The following UNC80 variants were observed in gnomAD, a reference collection of about 807,000 sequenced individuals.
UNC80 encodes protein unc-80 homolog.
Under a neutral mutation model 384.6 loss-of-function variants are expected in UNC80, and 164 were observed. The ratio of observed to expected loss-of-function variants is 0.43; its 90% confidence interval spans 0.38 to 0.49. UNC80 has a LOEUF of 0.49. Among genes scored for constraint, UNC80 ranks in the 20% least tolerant of loss-of-function variants. UNC80 has a pLI of 0.00. For missense variants in UNC80, 3,330 were observed against 4,143.0 expected, an observed-to-expected ratio of 0.80 and a Z score of 5.39; for synonymous variants, 1,486 against 1,527.8, an observed-to-expected ratio of 0.97 and a Z score of 0.64.
chr2:209,881,275 A>G (rs2124896260), intron 25 of UNC80, among the ~76,000 whole-genome samples, 181 bp downstream of exon 25: 1 of 152,328 alleles, frequency 6.6e-6, no homozygotes, highest in East Asian at 1.9e-4. Context: ...TACAAATAAT[A>G]ATAACTCCAA....
intron 14 of UNC80, 111 bp downstream of exon 14, chr2:209,826,164 T>C: frequency 8.3e-7 from 1 of 1,208,468 alleles, no homozygotes; most frequent in Non-Finnish European, 1.1e-6. Context: ...TTGTATTTTG[T>C]AGGAATAATT....
chr2:209,995,666 T>C lies in UNC80; in HGVS notation c.*71T>C. On this transcript the variant is annotated 3_prime_UTR_variant, in exon 65 of 65. Coordinates refer to ENST00000673920, the MANE Select transcript of UNC80 (RefSeq NM_001371986.1). ...GATCTCTCTACTACAAGTTCAATAC[T>C]TTTGCTTGAAAAAGATTAATTACAA... 1 of 1,481,932 alleles carries C rather than the reference T, an allele frequency of 6.7e-7. No individual in the cohort carries two copies. Among genetic ancestry groups the C allele is most frequent in the East Asian group, 2.5e-5 (1 of 40,272 alleles). The allele number at this position is 1,481,932 out of a possible 1,614,324, so 91.8% of individuals were successfully genotyped here. A position where few individuals can be genotyped will look rare whatever the true frequency, so the allele number is the denominator to read the frequency against.
intron 6 of UNC80, among the ~76,000 whole-genome samples, chr2:209,793,236 T>G (rs956357678): frequency 1.2e-4 from 19 of 152,212 alleles, no homozygotes; most frequent in African/African-American, 4.3e-4. Flanking sequence ...TAAAGGTCAT[T>G]GTGTCCGATT....
At position 209,777,460 on chromosome 2, in the gene UNC80, T is replaced by C. The variant is rs770850965; in HGVS notation, c.501T>C (p.Asn167=). The change falls in exon 4 of 65, where the codon AAT becomes AAC. Residue 167 remains asparagine, a synonymous_variant. Coordinates refer to ENST00000673920, the MANE Select transcript of UNC80 (RefSeq NM_001371986.1). ...GGCAGCCTTGCCAAAGCAGCTCTAATGACGAAGAAGAGAACAACCGAAGAA... is the reference window on the plus strand; with the variant it reads ...GGCAGCCTTGCCAAAGCAGCTCTAACGACGAAGAAGAGAACAACCGAAGAA... The part of the protein sequence containing the change: ...SPGQPCQSSS[N]DEEENNRRKI... 1.1e-5 allele frequency: 17 copies of C among 1,614,074 alleles called. 1 individual carries two copies. In the Admixed American group the frequency reaches 2.7e-4, roughly 25 times the overall value.
chr2:209,858,337 G>T (rs2083088668), intron 22 of UNC80, among the ~76,000 whole-genome samples: 1 of 152,068 alleles, frequency 6.6e-6, no homozygotes, highest in Non-Finnish European at 1.5e-5. Context: ...GTTAGTATTG[G>T]CTGGGCATGT....
chr2:209,835,019 C>T lies in UNC80; in HGVS notation c.3041+9C>T, dbSNP rs767107589. 6.5e-6 allele frequency: 10 copies of T among 1,547,374 alleles called. No individual in the cohort carries two copies. The highest frequency in any genetic ancestry group is 5.5e-5 in the African/African-American group (4 of 72,934). The stretch of plus-strand genomic sequence containing the variant: ...TCACAGACTCCAGAGCAGTAAGTAG[C>T]GTTGGTTTTGTCTCCAGTGCAGACG... On this transcript the variant is annotated intron_variant, in intron 18 of 64. Coordinates refer to ENST00000673920, the MANE Select transcript of UNC80 (RefSeq NM_001371986.1).
chr2:209,876,455 G>A (rs918846236), intron 23 of UNC80, among the ~76,000 whole-genome samples: 1 of 152,172 alleles, frequency 6.6e-6, no homozygotes, highest in Admixed American at 6.5e-5. Flanking sequence ...GTGAGACATA[G>A]AGATCTAAAT....
intron 36 of UNC80, 118 bp downstream of exon 36, chr2:209,927,104 C>A: frequency 9.1e-7 from 1 of 1,096,816 alleles, no homozygotes; most frequent in Non-Finnish European, 1.3e-6. Context: ...GTTTTATGCA[C>A]ATATTATAAT....
chr2:209,832,669 G>T (rs754939886), intron 16 of UNC80, among the ~76,000 whole-genome samples: 5 of 152,140 alleles, frequency 3.3e-5, no homozygotes, highest in African/African-American at 7.2e-5. Context: ...GTGTAGCACA[G>T]GTACCATCCA....
At chr2:209,866,382 C>T (rs1310674232) in intron 22 of UNC80, among the ~76,000 whole-genome samples, 2 of 151,868 alleles carry the variant, frequency 1.3e-5, no homozygotes, top group Non-Finnish European at 2.9e-5. Flanking sequence ...CAGTTTTGCC[C>T]ATCAGGGAAC....
intron 25 of UNC80, among the ~76,000 whole-genome samples, chr2:209,884,199 T>G (rs573635564): frequency 6.6e-6 from 1 of 152,338 alleles, no homozygotes; most frequent in Admixed American, 6.5e-5. Context: ...TAAACAAAAT[T>G]TTGTTTATAA....
At chr2:209,846,775 G>C (rs2082201679) in intron 21 of UNC80, among the ~76,000 whole-genome samples, 1 of 151,976 alleles carries the variant, frequency 6.6e-6, no homozygotes, top group Admixed American at 6.6e-5. Context: ...TTACATCCTA[G>C]TGTATTGCTA....
intron 30 of UNC80, among the ~76,000 whole-genome samples, 182 bp from the exon 31 acceptor site, chr2:209,913,620 A>C (rs16843914): frequency 0.021 from 3,204 of 152,240 alleles, 122 homozygotes; most frequent in African/African-American, 0.073. Context: ...ATTATGCTTC[A>C]GTTATAAGGT....
At position 209,998,723 on chromosome 2, in the gene UNC80, T is replaced by A. The variant is rs1424382090; in HGVS notation, c.*3128T>A. The stretch of plus-strand genomic sequence containing the variant: ...TAGAAGTACAGTCTGAAACATGAAT[T>A]AAATATCCTTCCTCAAGTTATAAAG... On this transcript the variant is annotated 3_prime_UTR_variant, in exon 65 of 65. Transcript: ENST00000673920. 1 of 152,240 alleles carries A rather than the reference T, an allele frequency of 6.6e-6. No homozygotes were observed. The highest frequency in any genetic ancestry group is 1.5e-5 in the Non-Finnish European group (1 of 68,050). 9.4% of individuals were successfully genotyped at this position (152,240 alleles called of 1,614,324 possible). A position where few individuals can be genotyped will look rare whatever the true frequency, so the allele number is the denominator to read the frequency against.
At position 209,772,076 on chromosome 2, in the gene UNC80, G is replaced by C. The variant is rs1276122734; in HGVS notation, c.4G>C (p.Val2Leu). 5 of 1,549,628 alleles carry C rather than the reference G, an allele frequency of 3.2e-6. No homozygotes were observed. In the South Asian group the frequency reaches 6.0e-5, roughly 18 times the overall value. Residue 2 changes from valine (V) to leucine (L), a missense_variant, in exon 1 of 65, where the codon GTG (valine) becomes CTG (leucine). By Grantham distance (32) the Val-to-Leu change is conservative. Around this residue, in one of 8 missense-constraint regions of UNC80, gnomAD observed 86 missense variants for 141.5 expected, o/e 0.61. Transcript: ENST00000673920. M[V>L]KRKSSEGQEQ... The stretch of plus-strand genomic sequence containing the variant: ...AGGACTCCCGGGAGCCACCATTATG[G>C]TGAAGAGGAAGAGCTCCGAGGGCCA...
chr2:209,845,514 G>GTA (rs1412541885), intron 21 of UNC80, among the ~76,000 whole-genome samples: 2 of 152,010 alleles, frequency 1.3e-5, no homozygotes, highest in African/African-American at 4.8e-5. Flanking sequence ...CCATTGCTTC[G>GTA]TATATTCTTT....
chr2:209,829,662 T>C (rs761309955), intron 15 of UNC80, among the ~76,000 whole-genome samples: 1 of 152,110 alleles, frequency 6.6e-6, no homozygotes, highest in Non-Finnish European at 1.5e-5. Context: ...ATACTACCAC[T>C]TATGGGACTC....
At chr2:209,846,726 A>G (rs1009005301) in intron 21 of UNC80, among the ~76,000 whole-genome samples, 4 of 152,146 alleles carry the variant, frequency 2.6e-5, no homozygotes, top group African/African-American at 7.2e-5. Flanking sequence ...CTGAGGCTAA[A>G]AAAGTAATCG....
intron 37 of UNC80, 134 bp from the exon 38 acceptor site, chr2:209,930,834 G>A: frequency 1.7e-6 from 1 of 594,106 alleles, no homozygotes; most frequent in Non-Finnish European, 3.0e-6. Context: ...TTAAAATGTT[G>A]AACATAATTG....
Sources: allele counts gnomAD v4.1 joint callset (sites outside exome capture counted in the v4.1 genomes callset), GRCh38; gene constraint gnomAD v4.1.1; regional missense constraint gnomAD v4.1.1; transcripts MANE v1.5; gene names NCBI Gene and HGNC (gene_info 2026-07-23, HGNC 2026-07-21).